Variants in IPO9 observed in about 807,000 individuals in gnomAD.
The protein encoded by IPO9 is importin-9.
Under a neutral mutation model 128.6 loss-of-function variants are expected in IPO9, and 28 were observed. That is an observed-to-expected ratio of 0.22 (90% CI 0.16 to 0.30). IPO9 has a LOEUF of 0.30. IPO9 is among the 10% of genes least tolerant of loss of function. The pLI, the probability that IPO9 is intolerant of heterozygous loss-of-function variation, is 1.00. For synonymous variants in IPO9, 455 were observed against 475.8 expected, an observed-to-expected ratio of 0.96 and a Z score of 0.57; for missense variants, 935 against 1,293.9, an observed-to-expected ratio of 0.72 and a Z score of 4.26.
intron 1 of IPO9, among the ~76,000 whole-genome samples, chr1:201,845,371 T>C (rs1680108312): frequency 6.6e-6 from 1 of 152,140 alleles, no homozygotes. Flanking sequence ...GAAAGGAAAC[T>C]TACCTAATGA....
rs529470070 is a variant in IPO9 at position 201,875,301 on chromosome 1, C to T, written c.3015+73C>T. The T allele has an allele frequency of 1.3e-4, 168 of 1,311,628 alleles. 1 individual carries two copies. The South Asian group carries it at 1.7e-3, about 13-fold the overall frequency. The allele number at this position is 1,311,628 out of a possible 1,614,324, so 81.2% of individuals were successfully genotyped here. On this transcript the variant is annotated intron_variant, in intron 23 of 23. Coordinates refer to ENST00000361565, the MANE Select transcript of IPO9 (RefSeq NM_018085.5). ...GGAAACAGGAATATGGGCTCAAATC[C>T]ATTTATAGCCAGGCATGGTGGCTCA...
chr1:201,860,110 C>G, intron 13 of IPO9, among the ~76,000 whole-genome samples: 1 of 152,188 alleles, frequency 6.6e-6, no homozygotes, highest in East Asian at 1.9e-4. Flanking sequence ...GATCACCATC[C>G]GAAAACACTG....
At chr1:201,874,518 C>A in intron 21 of IPO9, 146 bp downstream of exon 21, 1 of 930,434 alleles carries the variant, frequency 1.1e-6, no homozygotes, top group Non-Finnish European at 1.6e-6. Context: ...ATGCTAGGCA[C>A]TAGGCATGTA....
chr1:201,869,811 G>A, intron 17 of IPO9, 93 bp downstream of exon 17: 1 of 1,427,914 alleles, frequency 7.0e-7, no homozygotes. Context: ...TTATGCTTTT[G>A]AAATACGGAA....
rs41306215 is a variant in IPO9 at position 201,883,560 on chromosome 1, A to G, written c.*7506A>G. ...TCTTGTACCTGGGGCACACAGACCA[A>G]CACTTCTGAATTTGCAAGCTTAAGA... On this transcript the variant is annotated 3_prime_UTR_variant, in exon 24 of 24. Coordinates refer to ENST00000361565, the MANE Select transcript of IPO9 (RefSeq NM_018085.5). 0.023 allele frequency: 3,486 copies of G among 152,264 alleles called. 59 individuals are homozygous for G. Among genetic ancestry groups the G allele is most frequent in the Non-Finnish European group, 0.033 (2,277 of 68,014 alleles). 9.4% of individuals were successfully genotyped at this position (152,264 alleles called of 1,614,324 possible).
chr1:201,834,713 A>G (rs1018087370), intron 1 of IPO9, among the ~76,000 whole-genome samples: 2 of 152,094 alleles, frequency 1.3e-5, no homozygotes, highest in African/African-American at 4.8e-5. Context: ...CATTTCCCCT[A>G]TCATTTGGCC....
chr1:201,863,629 G>A (rs766912012), intron 14 of IPO9, 22 bp downstream of exon 14: 2 of 1,552,630 alleles, frequency 1.3e-6, no homozygotes, highest in East Asian at 2.3e-5. Flanking sequence ...ACCCTAGCGT[G>A]ATAATTAAGG....
chr1:201,840,258 T>A (rs1680011723), intron 1 of IPO9, among the ~76,000 whole-genome samples: 1 of 152,130 alleles, frequency 6.6e-6, no homozygotes, highest in African/African-American at 2.4e-5. Flanking sequence ...CCCAGCTATT[T>A]TGGTGTTTCA....
At chr1:201,859,184 T>A (rs28551112) in intron 13 of IPO9, among the ~76,000 whole-genome samples, 190 bp downstream of exon 13, 319 of 1,592 alleles carry the variant, frequency 0.2, 42 homozygotes, top group East Asian at 0.43. Context: ...AAGTATAATA[T>A]ATATATATAT....
In IPO9 at chr1:201,840,638, T is replaced by C. The variant is rs573477843; in HGVS notation, c.164-6641T>C. ...AACAAAATATTAGAAAAAAACTAAC[T>C]GTCCATACAGAGGAGAGCACACGAA... On this transcript the variant is annotated intron_variant, in intron 1 of 23. Coordinates refer to ENST00000361565, the MANE Select transcript of IPO9 (RefSeq NM_018085.5). 5.9e-5 allele frequency among the ~76,000 whole-genome samples: 9 copies of C among 152,278 alleles called. No individual in the cohort carries two copies. The South Asian group carries it at 1.9e-3, about 32-fold the overall frequency.
Position 201,854,652 on chromosome 1 carries a change from C to G in IPO9, c.748C>G (p.Gln250Glu), listed in dbSNP as rs1405893546. The G allele has an allele frequency of 6.2e-7, 1 of 1,614,134 alleles. No homozygotes were observed. The highest frequency in any genetic ancestry group is 1.7e-5 in the Admixed American group (1 of 60,018). The change falls in exon 7 of 24, where the codon CAG (glutamine) becomes GAG (glutamate). Residue 250 changes from glutamine to glutamate, a missense_variant. This residue lies in a region of IPO9 where 741 missense variants were observed against 1,019.1 expected (regional missense o/e 0.73). Transcript: ENST00000361565. ...VVQQFTEAFV[Q>E]ALQIPDGPTS... ...ACAGCAGTTCACAGAGGCCTTTGTT[C>G]AGGCCCTCCAGATACCAGATGGCCC...
intron 13 of IPO9, among the ~76,000 whole-genome samples, chr1:201,860,788 A>G (rs1159355401): frequency 6.6e-6 from 1 of 152,236 alleles, no homozygotes; most frequent in African/African-American, 2.4e-5. Context: ...AATAAAAGAA[A>G]TGGAAACATG....
At chr1:201,829,829 G>A (rs1679798708) in intron 1 of IPO9, among the ~76,000 whole-genome samples, 2 of 152,174 alleles carry the variant, frequency 1.3e-5, no homozygotes, top group African/African-American at 4.8e-5. Flanking sequence ...GGCTATCAAA[G>A]CTTAATAGAT....
At position 201,829,171 on chromosome 1, in the gene IPO9, G is replaced by A; in HGVS notation, c.-39G>A. 3 of 1,448,138 alleles carry A rather than the reference G, an allele frequency of 2.1e-6. No individual in the cohort carries two copies. Among genetic ancestry groups the A allele is most frequent in the Non-Finnish European group, 2.7e-6 (3 of 1,100,968 alleles). 89.7% of individuals were successfully genotyped at this position (1,448,138 alleles called of 1,614,324 possible). A position where few individuals can be genotyped will look rare whatever the true frequency, so the allele number is the denominator to read the frequency against. ...GCGCGGGGGCCGTCATTCGGTGGCG[G>A]GTCCCGGCCGCGGGGCTGGCGGGCT... On this transcript the variant is annotated 5_prime_UTR_variant, in exon 1 of 24. Transcript: ENST00000361565.
chr1:201,855,637 C>G (rs1486743622), intron 9 of IPO9, 146 bp from the exon 10 acceptor site: 6 of 690,674 alleles, frequency 8.7e-6, no homozygotes, highest in Non-Finnish European at 1.2e-5. Flanking sequence ...GACCTCTGAG[C>G]CCTCTCTCCC....
intron 16 of IPO9, 79 bp from the exon 17 acceptor site, chr1:201,869,511 C>A: frequency 6.5e-7 from 1 of 1,537,398 alleles, no homozygotes; most frequent in Non-Finnish European, 8.8e-7. Context: ...ATGTAATACC[C>A]ATCCAGTAAG....
rs532010318 is a variant in IPO9, at chr1:201,882,126, C to T, written c.*6072C>T. On this transcript the variant is annotated 3_prime_UTR_variant, in exon 24 of 24. Coordinates refer to ENST00000361565, the MANE Select transcript of IPO9 (RefSeq NM_018085.5). ...CAGTAGCAAAGCACCCAAAAGTAAT[C>T]GCAATAAAATTCCAATTTTTGTAGG... 2 of 152,210 alleles carry T rather than the reference C, an allele frequency of 1.3e-5. No individual in the cohort carries two copies. The highest frequency in any genetic ancestry group is 1.9e-4 in the East Asian group (1 of 5,178). 9.4% of individuals were successfully genotyped at this position (152,210 alleles called of 1,614,324 possible).
chr1:201,842,972 A>G (rs1680062479), intron 1 of IPO9, among the ~76,000 whole-genome samples: 1 of 152,130 alleles, frequency 6.6e-6, no homozygotes, highest in Non-Finnish European at 1.5e-5. Flanking sequence ...CTCAGTTCAT[A>G]ATCCACTTAT....
Position 201,857,093 on chromosome 1 carries a change from C to G in IPO9, c.1123-3C>G. 6.4e-7 allele frequency: 1 copy of G among 1,566,794 alleles called. No individual in the cohort carries two copies. The highest frequency in any genetic ancestry group is 8.8e-7 in the Non-Finnish European group (1 of 1,136,904). ...TCACAAAGACATAACTTGATCTTTT[C>G]AGATTAAAGTATGGACAGCCAACCC... On this transcript the variant is annotated splice_region_variant and splice_polypyrimidine_tract_variant and intron_variant, in intron 10 of 23. Coordinates refer to ENST00000361565, the MANE Select transcript of IPO9 (RefSeq NM_018085.5).
Sources: allele counts gnomAD v4.1 joint callset (sites outside exome capture counted in the v4.1 genomes callset), GRCh38; gene constraint gnomAD v4.1.1; regional missense constraint gnomAD v4.1.1; transcripts MANE v1.5; gene names NCBI Gene and HGNC (gene_info 2026-07-23, HGNC 2026-07-21).